UPK3B: variants seen among roughly 807,000 people sequenced by gnomAD.
UPK3B encodes the protein uroplakin 3B.
Under a neutral mutation model 27.6 loss-of-function variants are expected in UPK3B, and 21 were observed. The ratio of observed to expected loss-of-function variants is 0.76; its 90% CI spans 0.54 to 1.10. The LOEUF is 1.10. Ranked by LOEUF, UPK3B falls within the 50% of genes least tolerant of loss-of-function variation. UPK3B has a pLI of 0.00. For synonymous variants in UPK3B, 141 were observed against 162.3 expected, an observed-to-expected ratio of 0.87 and a Z score of 1.00; for missense variants, 306 against 376.1, an observed-to-expected ratio of 0.81 and a Z score of 1.54.
At position 76,515,109 on chromosome 7, in the gene UPK3B, C is replaced by A. The variant is rs761303447; in HGVS notation, c.736C>A (p.Arg246Ser). The A allele has an allele frequency of 1.9e-6, 3 of 1,601,094 alleles. No individual in the cohort carries two copies. The highest frequency in any genetic ancestry group is 2.3e-5 in the East Asian group (1 of 44,318). The change falls in exon 6 of 6, where the codon CGC becomes AGC. Residue 246 changes from arginine (R) to serine (S), a missense_variant. Arg to Ser is a moderately radical substitution (Grantham distance 110). This residue lies in a region of UPK3B where 174 missense variants were observed against 166.6 expected (regional missense o/e 1.04). Transcript: ENST00000334348. ...QLRIGSFMGK[R>S]YMTHHIPPRE... ...GCGGATCGGCTCCTTCATGGGCAAG[C>A]GCTACATGACCCACCACATCCCACC...
At chr7:76,513,903 TG>T (rs1430054580) in intron 4 of UPK3B, 43 bp from the exon 5 acceptor site, 20 of 1,611,198 alleles carry the variant, frequency 1.2e-5, no homozygotes, top group Non-Finnish European at 1.5e-5. Context: ...CAGCCAGCCC[TG>T]GGGTCGAGGG....
chr7:76,514,927 AAAG>A (rs1812677089), intron 5 of UPK3B, 115 bp from the exon 6 acceptor site: 4 of 1,247,944 alleles, frequency 3.2e-6, no homozygotes, highest in East Asian at 2.6e-5. Context: ...AAAAAAAAGA[AAAG>A]AGAGAGAGAG....
At position 76,510,755 on chromosome 7, in the gene UPK3B, A is replaced by C. The variant is rs758397233; in HGVS notation, c.85+18A>C. The C allele has an allele frequency of 5.8e-6, 9 of 1,543,264 alleles. No homozygotes were observed. In the East Asian group the frequency reaches 2.0e-4, roughly 35 times the overall value. The stretch of plus-strand genomic sequence containing the variant: ...GAGCCTGGGTGAGTGGGGGTCCTGG[A>C]TGGACGCGTCCAGCCAGACCCAAGG... On this transcript the variant is annotated intron_variant, in intron 1 of 5. Coordinates refer to ENST00000334348, the MANE Select transcript of UPK3B (RefSeq NM_001347684.2).
intron 4 of UPK3B, 66 bp from the exon 5 acceptor site, chr7:76,513,881 G>T: frequency 6.2e-7 from 1 of 1,605,986 alleles, no homozygotes. Context: ...GAGGGAGCGA[G>T]GGAGGAGATG....
chr7:76,515,808 A>G lies in UPK3B; in HGVS notation c.*604A>G. The G allele has an allele frequency of 3.3e-6, 2 of 611,978 alleles. No individual in the cohort carries two copies. Among genetic ancestry groups the G allele is most frequent in the Non-Finnish European group, 3.8e-6 (2 of 530,356 alleles). 37.9% of individuals were successfully genotyped at this position (611,978 alleles called of 1,614,324 possible). A position where few individuals can be genotyped will look rare whatever the true frequency, so the allele number is the denominator to read the frequency against. ...CCCTCTTGTGCATATGGATGGCTCT[A>G]GCCCTTATCCACCCCCTCAAGCATT... On this transcript the variant is annotated 3_prime_UTR_variant, in exon 6 of 6. Transcript: ENST00000334348.
chr7:76,513,796 G>A, intron 4 of UPK3B, 151 bp from the exon 5 acceptor site: 1 of 1,146,394 alleles, frequency 8.7e-7, no homozygotes, highest in Non-Finnish European at 1.2e-6. Flanking sequence ...GAGGAAGAGG[G>A]ACGGGGGGTG....
chr7:76,511,200 A>G lies in UPK3B; in HGVS notation c.235+148A>G, dbSNP rs1481883983. ...GGTGTGGATGAATTGGGCTTTATCT[A>G]AAGGGGTAATATGTGTATTGAAAAA... On this transcript the variant is annotated intron_variant, in intron 2 of 5. Transcript: ENST00000334348. 42 of 1,008,596 alleles carry G rather than the reference A, an allele frequency of 4.2e-5. No individual in the cohort carries two copies. The African/African-American group carries it at 6.5e-4, about 16-fold the overall frequency. The allele number at this position is 1,008,596 out of a possible 1,614,324, so 62.5% of individuals were successfully genotyped here.
intron 3 of UPK3B, among the ~76,000 whole-genome samples, chr7:76,512,378 G>A (rs1022689186): frequency 4.7e-5 from 7 of 150,158 alleles, no homozygotes; most frequent in African/African-American, 1.5e-4. Context: ...AGGAGGAGGC[G>A]GGGTGACCTC....
intron 2 of UPK3B, 82 bp downstream of exon 2, chr7:76,511,134 C>T (rs62476499): frequency 0.22 from 307,777 of 1,387,256 alleles, 20,940 homozygotes; most frequent in South Asian, 0.28. Flanking sequence ...CCAGCAAGCG[C>T]CTTCAATGAT....
chr7:76,514,074 C>A lies in UPK3B; in HGVS notation c.669C>A (p.Arg223=). The change falls in exon 5 of 6, where the codon CGC becomes CGA. Residue 223 remains arginine (R), a splice_region_variant and synonymous_variant. Coordinates refer to ENST00000334348, the MANE Select transcript of UPK3B (RefSeq NM_001347684.2). ...CCTTCTTGGCAGCCTCTACCATGCG[C>A]TTGTGAGTGGGGACACCCCCTCGGG... The part of the protein sequence containing the change: ...LLAFLAASTM[R]FSSLWWPEEA... The A allele has an allele frequency of 6.2e-7, 1 of 1,614,012 alleles. No individual in the cohort carries two copies. The highest frequency in any genetic ancestry group is 8.5e-7 in the Non-Finnish European group (1 of 1,179,928).
In UPK3B at chr7:76,515,318, C is replaced by G. The variant is rs946101100; in HGVS notation, c.*114C>G. ...CTCAGGGCTCCTTGCCTTTCCCCCC[C>G]ACCAGCACACCCCGTACCCTGCCTG... On this transcript the variant is annotated 3_prime_UTR_variant, in exon 6 of 6. Coordinates refer to ENST00000334348, the MANE Select transcript of UPK3B (RefSeq NM_001347684.2). 9.3e-5 allele frequency: 141 copies of G among 1,520,136 alleles called. No homozygotes were observed. The highest frequency in any genetic ancestry group is 6.7e-4 in the South Asian group (54 of 80,194). 94.2% of individuals were successfully genotyped at this position (1,520,136 alleles called of 1,614,324 possible). A position where few individuals can be genotyped will look rare whatever the true frequency, so the allele number is the denominator to read the frequency against.
Position 76,510,689 on chromosome 7 carries a change from C to T in UPK3B, c.37C>T (p.Gln13Ter), listed in dbSNP as rs1195516796. ...CTGGGGGCAGCCTCACCTAGGGCTG[C>T]AGATGCTCCTCCTGGCGTTGAACTG... Reference protein sequence around the residue: ...LPWGQPHLGLQMLLLALNCLR... With the variant: ...LPWGQPHLGL Residue 13 changes from glutamine (Q) to a stop codon, truncating the protein, a stop_gained, in exon 1 of 6, where the codon CAG becomes TAG. Coordinates refer to ENST00000334348, the MANE Select transcript of UPK3B (RefSeq NM_001347684.2). LOFTEE classifies it high-confidence loss of function. The T allele has an allele frequency of 6.7e-6, 10 of 1,502,124 alleles. No homozygotes were observed. The highest frequency in any genetic ancestry group is 1.4e-5 in the South Asian group (1 of 73,362). 93.0% of individuals were successfully genotyped at this position (1,502,124 alleles called of 1,614,324 possible).
At position 76,515,245 on chromosome 7, in the gene UPK3B, G is replaced by C; in HGVS notation, c.*41G>C. On this transcript the variant is annotated 3_prime_UTR_variant, in exon 6 of 6. Coordinates refer to ENST00000334348, the MANE Select transcript of UPK3B (RefSeq NM_001347684.2). ...TGGGGCTGGGGGAGATGGGGCGCTG[G>C]GAGTGAGTGCATGGTGCTTTGTCCC... 6.4e-7 allele frequency: 1 copy of C among 1,572,218 alleles called. No individual in the cohort carries two copies. The highest frequency in any genetic ancestry group is 1.2e-5 in the South Asian group (1 of 85,714).
chr7:76,511,772 C>T lies in UPK3B; in HGVS notation c.351C>T (p.Gly117=), dbSNP rs139354779. 1.2e-3 allele frequency: 1,976 copies of T among 1,604,318 alleles called. 30 individuals carry two copies. The African/African-American group carries it at 0.021, about 17-fold the overall frequency. Residue 117 remains glycine, a synonymous_variant, in exon 3 of 6, where the codon GGC becomes GGT. Transcript: ENST00000334348. ...LPLSPDQLPC[G]DPMAGSGGAP... ...TGTCTCCGGACCAGCTGCCCTGTGG[C>T]GACCCCATGGCGGGCAGCGGAGGCG...
chr7:76,515,887 T>C lies in UPK3B; in HGVS notation c.*683T>C. 1 of 610,642 alleles carries C rather than the reference T, an allele frequency of 1.6e-6. No homozygotes were observed. 37.8% of individuals were successfully genotyped at this position (610,642 alleles called of 1,614,324 possible). On this transcript the variant is annotated 3_prime_UTR_variant, in exon 6 of 6. Coordinates refer to ENST00000334348, the MANE Select transcript of UPK3B (RefSeq NM_001347684.2). Reference sequence around the variant, plus strand: ...AGTGTTAGACTTGGGGCTTCAGGCATAGCCGGTCCTGACCTTGGGGAGATG... The same window carrying C: ...AGTGTTAGACTTGGGGCTTCAGGCACAGCCGGTCCTGACCTTGGGGAGATG...
rs767089732 is a variant in UPK3B, at chr7:76,513,954, C to T, written c.549C>T (p.Thr183=). 6.2e-7 allele frequency: 1 copy of T among 1,613,712 alleles called. No homozygotes were observed. The highest frequency in any genetic ancestry group is 1.3e-5 in the African/African-American group (1 of 74,820). The part of the protein sequence containing the change: ...SDPITLHQGK[T]PGSIDTWPGR... The stretch of plus-strand genomic sequence containing the variant: ...CAGCTGGTGTGTGTGCAGGGAAGAC[C>T]CCCGGATCCATCGACACCTGGCCAG... Residue 183 remains threonine (T), a synonymous_variant, in exon 5 of 6, where the codon ACC becomes ACT. Transcript: ENST00000334348.
At chr7:76,514,196 G>C (rs1305192411) in intron 5 of UPK3B, 120 bp downstream of exon 5, 1 of 1,483,794 alleles carries the variant, frequency 6.7e-7, no homozygotes, top group African/African-American at 1.4e-5. Flanking sequence ...GGTAGAGACA[G>C]GGACTTGCTA....
chr7:76,514,820 C>T (rs1266134808), intron 5 of UPK3B, among the ~76,000 whole-genome samples: 1 of 150,960 alleles, frequency 6.6e-6, no homozygotes, highest in Non-Finnish European at 1.5e-5. Flanking sequence ...GCAGGAGAAT[C>T]GTTTGAACCC....
At chr7:76,514,925 GAA>G (rs1812676767) in intron 5 of UPK3B, 118 bp from the exon 6 acceptor site, 18 of 1,041,526 alleles carry the variant, frequency 1.7e-5, no homozygotes, top group African/African-American at 3.6e-5. Flanking sequence ...AAAAAAAAAA[GAA>G]AAGAGAGAGA....
Sources: allele counts gnomAD v4.1 joint callset (sites outside exome capture counted in the v4.1 genomes callset), GRCh38; gene constraint gnomAD v4.1.1; regional missense constraint gnomAD v4.1.1; transcripts MANE v1.5; gene names NCBI Gene and HGNC (gene_info 2026-07-23, HGNC 2026-07-21).